Variants in TUBA4B observed in about 807,000 individuals in gnomAD.
TUBA4B encodes the protein tubulin alpha 4b.
In TUBA4B, 13 loss-of-function variants were observed where a neutral mutation model predicts 18.4. The observed-to-expected ratio is 0.71, with a 90% CI of 0.46 to 1.12. The LOEUF (loss-of-function observed/expected upper bound fraction) is 1.12, where lower values mean the gene tolerates loss of function less well. Ranked by LOEUF, TUBA4B falls within the 50% of genes most tolerant of loss-of-function variation. TUBA4B has a pLI of 0.00. For missense variants in TUBA4B, 244 were observed against 250.0 expected, an observed-to-expected ratio of 0.98 and a Z score of 0.16; for synonymous variants, 101 against 99.1, an observed-to-expected ratio of 1.02 and a Z score of -0.11.
At chr2:219,254,532 C>CGCAGCCT (rs1465649290) in intron 1 of TUBA4B, 1 of 152,322 alleles carries the variant, frequency 6.6e-6, no homozygotes, top group Non-Finnish European at 1.5e-5. Flanking sequence ...AGTCGAGCCC[C>CGCAGCCT]GCAGCCTGTC....
chr2:219,261,517 G>A (rs967837048), intron 1 of TUBA4B, among the ~76,000 whole-genome samples: 7 of 152,162 alleles, frequency 4.6e-5, no homozygotes. Flanking sequence ...AAGTGCAAGG[G>A]TGAATACTCA....
intron 1 of TUBA4B, among the ~76,000 whole-genome samples, chr2:219,257,340 C>CTTTTTTT (rs768367065): frequency 1.1e-5 from 1 of 92,614 alleles, no homozygotes; most frequent in African/African-American, 4.2e-5. Context: ...TGCGCCCAGC[C>CTTTTTTT]TTTTTTTTTT....
intron 1 of TUBA4B, among the ~76,000 whole-genome samples, chr2:219,264,247 G>A (rs1019940750): frequency 5.9e-5 from 9 of 152,150 alleles, no homozygotes; most frequent in African/African-American, 2.2e-4. Flanking sequence ...ATCACTTGAG[G>A]TCAGGAGTTC....
In TUBA4B at chr2:219,271,694, T is replaced by G. The variant is rs182994930; in HGVS notation, c.721T>G (p.Trp241Gly). The change falls in exon 4 of 4, where the codon TGG becomes GGG. Residue 241 changes from tryptophan (W) to glycine (G), a missense_variant. Trp to Gly is a radical substitution (Grantham distance 184). Transcript: ENST00000490341. ...PMPALSLPTR[W>G] is the part of the protein sequence containing the mutation. ...GCCTGCTTTGAGCCTGCCAACCAGATGGTGAAGTGTGATCCCCGGCACGGC... is the reference window on the plus strand; with the variant it reads ...GCCTGCTTTGAGCCTGCCAACCAGAGGGTGAAGTGTGATCCCCGGCACGGC... The G allele has an allele frequency of 5.0e-6, 8 of 1,613,186 alleles. No homozygotes were observed. The highest frequency in any genetic ancestry group is 1.3e-5 in the African/African-American group (1 of 75,030).
intron 1 of TUBA4B, among the ~76,000 whole-genome samples, chr2:219,263,317 A>G (rs1951770471): frequency 1.3e-5 from 2 of 152,116 alleles, no homozygotes; most frequent in African/African-American, 4.8e-5. Context: ...ACATGGTGAA[A>G]CACTGTCTCT....
At chr2:219,262,042 T>C (rs1951762196) in intron 1 of TUBA4B, among the ~76,000 whole-genome samples, 1 of 152,242 alleles carries the variant, frequency 6.6e-6, no homozygotes, top group Non-Finnish European at 1.5e-5. Context: ...CCGGGTGTAG[T>C]GGCTCACGCC....
intron 1 of TUBA4B, chr2:219,254,425 C>T (rs1005457760): frequency 2.0e-5 from 3 of 152,440 alleles, no homozygotes; most frequent in African/African-American, 7.2e-5. Context: ...GGTCCCCGGC[C>T]GGGGCGGCAG....
In TUBA4B at chr2:219,271,372, C is replaced by T. The variant is rs1434833134; in HGVS notation, c.399C>T (p.Thr133=). Residue 133 remains threonine (T), a synonymous_variant, in exon 4 of 4, where the codon ACC becomes ACT. Transcript: ENST00000490341. Reference sequence around the variant, plus strand: ...ACTCTATCCTGACCACCCACACCACCCTGGAGCACTCAGACTGTGCCTTCA... The same window carrying T: ...ACTCTATCCTGACCACCCACACCACTCTGGAGCACTCAGACTGTGCCTTCA... ...PYNSILTTHT[T]LEHSDCAFMV... 1 of 1,614,202 alleles carries T rather than the reference C, an allele frequency of 6.2e-7. No individual in the cohort carries two copies. The highest frequency in any genetic ancestry group is 1.7e-5 in the Admixed American group (1 of 60,028).
At position 219,262,277 on chromosome 2, in the gene TUBA4B, C is replaced by G. The variant is rs568158644; in HGVS notation, c.13-4244C>G. 2.6e-5 allele frequency among the ~76,000 whole-genome samples: 4 copies of G among 152,350 alleles called. No homozygotes were observed. The East Asian group carries it at 7.7e-4, about 29-fold the overall frequency. ...AGTGAGCTGAGATCGTGCCACTGCA[C>G]TCCATCCAGCCTGGGCGACAGAGCG... On this transcript the variant is annotated intron_variant, in intron 1 of 3. Transcript: ENST00000490341.
At chr2:219,256,861 A>G (rs1331441528) in intron 1 of TUBA4B, among the ~76,000 whole-genome samples, 1 of 152,038 alleles carries the variant, frequency 6.6e-6, no homozygotes, top group Non-Finnish European at 1.5e-5. Context: ...AAGAGGTCAA[A>G]AGTAAGTAGA....
At chr2:219,267,859 G>T (rs1042116712) in intron 2 of TUBA4B, among the ~76,000 whole-genome samples, 1 of 151,890 alleles carries the variant, frequency 6.6e-6, no homozygotes, top group Non-Finnish European at 1.5e-5. Flanking sequence ...CACTGCACCC[G>T]GCCAGGGGCT....
At chr2:219,270,363 G>A (rs1230912376) in intron 3 of TUBA4B, 28 bp downstream of exon 3, 2 of 709,764 alleles carry the variant, frequency 2.8e-6, no homozygotes, top group South Asian at 1.5e-5. Context: ...GGCTGGGGCA[G>A]GGGGAATGAA....
At chr2:219,255,951 C>A (rs1355021163) in intron 1 of TUBA4B, among the ~76,000 whole-genome samples, 2 of 152,218 alleles carry the variant, frequency 1.3e-5, no homozygotes, top group African/African-American at 2.4e-5. Flanking sequence ...ATTGGGAGAA[C>A]AAGACTCATT....
At chr2:219,269,107 A>T (rs1390401957) in intron 2 of TUBA4B, among the ~76,000 whole-genome samples, 1 of 152,210 alleles carries the variant, frequency 6.6e-6, no homozygotes, top group Non-Finnish European at 1.5e-5. Flanking sequence ...TCAAGAAAAA[A>T]AGAAAAGAAT....
intron 1 of TUBA4B, among the ~76,000 whole-genome samples, chr2:219,264,732 C>T (rs1452934004): frequency 6.6e-6 from 1 of 152,028 alleles, no homozygotes; most frequent in Non-Finnish European, 1.5e-5. Flanking sequence ...CTCAGAATGG[C>T]GTGCAGTTTA....
chr2:219,253,921 T>C lies in TUBA4B; in HGVS notation c.12+502T>C, dbSNP rs1231429078. 2.0e-5 allele frequency: 27 copies of C among 1,330,120 alleles called. No individual in the cohort carries two copies. The Admixed American group carries it at 2.6e-4, about 13-fold the overall frequency. 82.4% of individuals were successfully genotyped at this position (1,330,120 alleles called of 1,614,324 possible). Reference sequence around the variant, plus strand: ...TGACAGGTCTCAGTGAGAACTGCGCTAGCTGCAGTGCCGCACCGCCCTTAT... The same window carrying C: ...TGACAGGTCTCAGTGAGAACTGCGCCAGCTGCAGTGCCGCACCGCCCTTAT... On this transcript the variant is annotated intron_variant, in intron 1 of 3. Transcript: ENST00000490341.
chr2:219,253,978 G>A (rs1223414144), intron 1 of TUBA4B: 19 of 1,084,850 alleles, frequency 1.8e-5, no homozygotes, highest in Non-Finnish European at 2.2e-5. Context: ...CGCGTTCCCC[G>A]CTCGCCCACT....
In TUBA4B at chr2:219,271,451, C is replaced by G. The variant is rs775273196; in HGVS notation, c.478C>G (p.Arg160Gly). 7 of 1,614,120 alleles carry G rather than the reference C, an allele frequency of 4.3e-6. No homozygotes were observed. The highest frequency in any genetic ancestry group is 1.6e-4 in the Middle Eastern group (1 of 6,062). ...CTGCCACTGCAACCTAGACATCGAG[C>G]GCCCAACCTACACCAACCTCAATCG... ...DICHCNLDIE[R>G]PTYTNLNRLI... is the part of the protein sequence containing the mutation. Residue 160 changes from arginine (R) to glycine (G), a missense_variant, in exon 4 of 4, where the codon CGC becomes GGC. By Grantham distance (125) the Arg-to-Gly change is moderately radical. Coordinates refer to ENST00000490341, the MANE Select transcript of TUBA4B (RefSeq NM_001355221.1).
At chr2:219,259,583 G>A (rs181297024) in intron 1 of TUBA4B, among the ~76,000 whole-genome samples, 4 of 152,156 alleles carry the variant, frequency 2.6e-5, no homozygotes, top group East Asian at 3.9e-4. Context: ...TCACTCTCCC[G>A]TTGAATTAAC....
Sources: gnomAD v4.1 joint callset for allele counts (sites outside exome capture counted in the v4.1 genomes callset) on GRCh38, gnomAD v4.1.1 for gene constraint, MANE v1.5 for transcripts, NCBI Gene and HGNC (gene_info 2026-07-23, HGNC 2026-07-21) for gene names.